The following CELF2 variants were observed in gnomAD, a reference collection of about 807,000 sequenced individuals.
The protein encoded by CELF2 is CUG triplet repeat RNA-binding protein 2.
In CELF2, 8 loss-of-function variants were observed where a neutral mutation model predicts 62.6. The observed-to-expected ratio is 0.13, with a 90% CI of 0.07 to 0.23. The LOEUF (loss-of-function observed/expected upper bound fraction) is 0.23. Ranked by LOEUF, CELF2 falls within the 10% of genes least tolerant of loss-of-function variation. CELF2 has a pLI of 1.00. For missense variants in CELF2, 333 were observed against 671.0 expected (o/e 0.50, Z 5.56); for synonymous variants, 258 against 250.0 (o/e 1.03, Z -0.30).
chr10:10,775,216 G>A, the CELF2 span, among the ~76,000 whole-genome samples: 1 of 152,174 alleles, frequency 6.6e-6, no homozygotes, highest in South Asian at 2.1e-4. Context: ...TGTGAGGAGA[G>A]GGTCTTGGAA....
chr10:10,527,543 T>C, the CELF2 span, among the ~76,000 whole-genome samples: 9 of 152,126 alleles, frequency 5.9e-5, no homozygotes, highest in East Asian at 1.7e-3. Flanking sequence ...CCATGGAATA[T>C]ATTTGACTCT....
intron 1 of CELF2, among the ~76,000 whole-genome samples, chr10:10,802,268 G>C (rs34501647): frequency 0.098 from 14,949 of 152,056 alleles, 1,132 homozygotes; most frequent in East Asian, 0.33. Context: ...TCAAGAGATC[G>C]AGACCATCCG....
At chr10:10,700,805 C>T in the CELF2 span, among the ~76,000 whole-genome samples, 219 of 152,320 alleles carry the variant, frequency 1.4e-3, 3 homozygotes, top group Admixed American at 2.3e-3. Context: ...CAGAAGATCT[C>T]TATGTACATT....
At position 11,285,497 on chromosome 10, in the gene CELF2, C is replaced by T. The variant is rs537333238; in HGVS notation, c.842-2921C>T. 6.6e-6 allele frequency among the ~76,000 whole-genome samples: 1 copy of T among 152,270 alleles called. No homozygotes were observed. The highest frequency in any genetic ancestry group is 1.9e-4 in the East Asian group (1 of 5,184). Reference sequence around the variant, plus strand: ...GAGGAGGACACCCAGGCCCTTAGCCCTGGATCCTAAAGGAGCGGGCAGTGG... The same window carrying T: ...GAGGAGGACACCCAGGCCCTTAGCCTTGGATCCTAAAGGAGCGGGCAGTGG... On this transcript the variant is annotated intron_variant, in intron 8 of 12. Transcript: ENST00000633077. The surrounding 1 kb of genome is among the most constrained non-coding windows in gnomAD (Gnocchi z 4.3).
intron 4 of CELF2, among the ~76,000 whole-genome samples, chr10:11,249,516 A>G (rs1470445924): frequency 6.6e-6 from 1 of 152,194 alleles, no homozygotes; most frequent in African/African-American, 2.4e-5. Flanking sequence ...CCAACAAAGC[A>G]ATACAGGGAC....
chr10:11,187,005 A>G (rs753366940), intron 2 of CELF2, among the ~76,000 whole-genome samples: 1 of 152,178 alleles, frequency 6.6e-6, no homozygotes, highest in African/African-American at 2.4e-5. Context: ...GTGCATCTCA[A>G]AAGAACAGGT....
intron 1 of CELF2, among the ~76,000 whole-genome samples, chr10:10,918,662 C>T (rs758476997): frequency 5.9e-5 from 9 of 152,094 alleles, no homozygotes; most frequent in Non-Finnish European, 1.2e-4. Flanking sequence ...GAAAATGTTC[C>T]TTTAAAGCTG....
intron 1 of CELF2, among the ~76,000 whole-genome samples, chr10:10,916,618 T>C (rs887458683): frequency 1.3e-5 from 2 of 152,206 alleles, no homozygotes; most frequent in African/African-American, 4.8e-5. Flanking sequence ...TCTTTTGTTG[T>C]TGTTGTTGTT....
chr10:11,070,770 G>A (rs2069685291), intron 1 of CELF2, among the ~76,000 whole-genome samples: 2 of 152,188 alleles, frequency 1.3e-5, no homozygotes, highest in African/African-American at 4.8e-5. Flanking sequence ...TGTGAAGGAA[G>A]ACAGAGGAGG....
At chr10:11,275,258 A>G (rs1456479847) in intron 8 of CELF2, 138 bp downstream of exon 8, 7 of 904,352 alleles carry the variant, frequency 7.7e-6, no homozygotes, top group Non-Finnish European at 1.2e-5. Context: ...CTTTGGTGTT[A>G]ACGTTGGAAC....
intron 1 of CELF2, among the ~76,000 whole-genome samples, chr10:11,024,505 G>C (rs966218243): frequency 3.3e-5 from 5 of 149,660 alleles, no homozygotes; most frequent in South Asian, 4.1e-4. Context: ...GGAGGCTGAG[G>C]GGGGAGGATC....
chr10:10,574,885 T>TA, the CELF2 span, among the ~76,000 whole-genome samples: 3 of 91,990 alleles, frequency 3.3e-5, no homozygotes, highest in African/African-American at 1.4e-4. Flanking sequence ...TTTTTTTTTT[T>TA]TTTTTTTTTT....
At chr10:11,199,680 A>C (rs1227889591) in intron 2 of CELF2, among the ~76,000 whole-genome samples, 1 of 152,254 alleles carries the variant, frequency 6.6e-6, no homozygotes, top group Non-Finnish European at 1.5e-5. Context: ...AAAGCCATCA[A>C]TATTTTAAAA....
chr10:10,785,876 A>G, the CELF2 span, among the ~76,000 whole-genome samples: 1 of 152,214 alleles, frequency 6.6e-6, no homozygotes, highest in Non-Finnish European at 1.5e-5. Flanking sequence ...AGAGTGTAGA[A>G]TTTAAGTGTT....
intron 1 of CELF2, among the ~76,000 whole-genome samples, chr10:11,118,315 TC>T (rs1416415394): frequency 6.6e-6 from 1 of 152,072 alleles, no homozygotes; most frequent in Non-Finnish European, 1.5e-5. Context: ...ATCTTTGTTT[TC>T]CTCTTAAGTG....
chr10:11,136,565 C>G (rs1236071597), intron 1 of CELF2, among the ~76,000 whole-genome samples: 1 of 152,106 alleles, frequency 6.6e-6, no homozygotes, highest in African/African-American at 2.4e-5. Flanking sequence ...GATTGCTCCA[C>G]TGCATTCCAG....
At chr10:10,709,972 G>A in the CELF2 span, among the ~76,000 whole-genome samples, 1 of 152,176 alleles carries the variant, frequency 6.6e-6, no homozygotes, top group Non-Finnish European at 1.5e-5. Flanking sequence ...ATGGCTTTGT[G>A]CTTGTGCGAA....
chr10:11,088,564 C>CGGCATGCATACCCCTGCTCACCT (rs55706560), intron 1 of CELF2, among the ~76,000 whole-genome samples: 8 of 151,860 alleles, frequency 5.3e-5, no homozygotes, highest in African/African-American at 1.9e-4. Context: ...CTAGCAGAGC[C>CGGCATGCATACCCCTGCTCACCT]GGATTTCTCA....
At chr10:10,805,400 T>C (rs536192696) in intron 1 of CELF2, among the ~76,000 whole-genome samples, 1 of 152,380 alleles carries the variant, frequency 6.6e-6, no homozygotes, top group South Asian at 2.1e-4. Flanking sequence ...CCACGTAATT[T>C]TTCCTTTTCC....
Sources: allele counts gnomAD v4.1 joint callset (sites outside exome capture counted in the v4.1 genomes callset), GRCh38; gene constraint gnomAD v4.1.1; non-coding constraint Gnocchi (gnomAD v3.1); transcripts MANE v1.5; gene names NCBI Gene and HGNC (gene_info 2026-07-23, HGNC 2026-07-21).